The following ABCB1 variants were observed in gnomAD, a reference collection of about 807,000 sequenced individuals.
ABCB1 encodes the protein ATP-dependent translocase ABCB1.
ABCB1 carries 69 observed loss-of-function variants against 142.0 expected under a neutral mutation model. The observed-to-expected ratio is 0.49, with a 90% confidence interval of 0.40 to 0.59. The LOEUF (loss-of-function observed/expected upper bound fraction) is 0.59. Ranked by LOEUF, ABCB1 falls within the 20% of genes least tolerant of loss-of-function variation. The pLI is 0.00. For missense variants in ABCB1, 1,326 were observed against 1,554.7 expected, an observed-to-expected ratio of 0.85 and a Z score of 2.47; for synonymous variants, 532 against 539.2, an observed-to-expected ratio of 0.99 and a Z score of 0.18.
At chr7:87,637,747 T>A (rs570241310) in intron 1 of ABCB1, among the ~76,000 whole-genome samples, 1 of 152,240 alleles carries the variant, frequency 6.6e-6, no homozygotes, top group Admixed American at 6.5e-5. Context: ...TTTGACCTTT[T>A]AAAATACTGG....
chr7:87,702,142 C>CAAA (rs146127516), intron 1 of ABCB1, among the ~76,000 whole-genome samples: 454 of 16,736 alleles, frequency 0.027, 115 homozygotes, highest in Middle Eastern at 0.15. Flanking sequence ...GACTCTGTCT[C>CAAA]AAAAAAAAAA....
At chr7:87,585,825 G>T in intron 3 of ABCB1, 145 bp from the exon 4 acceptor site, 1 of 777,104 alleles carries the variant, frequency 1.3e-6, no homozygotes, top group Non-Finnish European at 2.1e-6. Context: ...CTCTACCTTT[G>T]CTAAATTATT....
chr7:87,519,299 T>G, intron 23 of ABCB1, 27 bp downstream of exon 23: 1 of 1,609,006 alleles, frequency 6.2e-7, no homozygotes, highest in Non-Finnish European at 8.5e-7. Flanking sequence ...TTTTTAGAGC[T>G]TAACTAAATA....
chr7:87,596,747 G>GA (rs1330605741), intron 2 of ABCB1, among the ~76,000 whole-genome samples: 1 of 151,900 alleles, frequency 6.6e-6, no homozygotes, highest in South Asian at 2.1e-4. Context: ...GACTTCTAAA[G>GA]AAAAAAATCC....
At chr7:87,521,573 G>A (rs766641657) in intron 21 of ABCB1, 8 of 756,220 alleles carry the variant, frequency 1.1e-5, no homozygotes, top group African/African-American at 6.8e-5. Flanking sequence ...TTTGAGCAAT[G>A]GGGAATGCTC....
chr7:87,510,686 GA>G, intron 25 of ABCB1, among the ~76,000 whole-genome samples: 1 of 152,146 alleles, frequency 6.6e-6, no homozygotes, highest in Admixed American at 6.5e-5. Flanking sequence ...CCTAGCAGTA[GA>G]GTACAATCTT....
intron 1 of ABCB1, among the ~76,000 whole-genome samples, chr7:87,687,805 G>A (rs1192509153): frequency 6.6e-6 from 1 of 152,080 alleles, no homozygotes; most frequent in Admixed American, 6.5e-5. Context: ...GAACCTCAAA[G>A]CTCTTCCTGA....
At chr7:87,628,536 C>A in intron 1 of ABCB1, 1 of 290,960 alleles carries the variant, frequency 3.4e-6, no homozygotes, top group Non-Finnish European at 6.3e-6. Context: ...CCCGCAGGCG[C>A]AGCCCGGCAG....
At chr7:87,652,550 C>T (rs1481608224) in intron 1 of ABCB1, among the ~76,000 whole-genome samples, 9 of 149,526 alleles carry the variant, frequency 6.0e-5, no homozygotes, top group African/African-American at 1.2e-4. Context: ...TGATACAGTA[C>T]GAATTGTGTT....
chr7:87,544,249 A>G lies in ABCB1; in HGVS notation c.2091T>C (p.Phe697=). The change falls in exon 17 of 28, where the codon TTT becomes TTC. Residue 697 remains phenylalanine (F), a synonymous_variant. Coordinates refer to ENST00000622132, the MANE Select transcript of ABCB1 (RefSeq NM_001348946.2). ...TTAAATTTAGCTTCATAATCCTCCA[A>G]AAGGAAACTGGAGGTATACTTTCAT... ...ALDESIPPVS[F]WRIMKLNLTE... is the part of the protein sequence containing the mutation. 1.2e-6 allele frequency: 2 copies of G among 1,613,392 alleles called. No individual in the cohort carries two copies. The highest frequency in any genetic ancestry group is 1.1e-5 in the South Asian group (1 of 91,038).
At chr7:87,515,480 AGT>A in intron 24 of ABCB1, 52 bp from the exon 25 acceptor site, 1 of 1,539,794 alleles carries the variant, frequency 6.5e-7, no homozygotes, top group African/African-American at 1.4e-5. Flanking sequence ...CTGAAAATAA[AGT>A]GTATAGCTAA....
intron 1 of ABCB1, among the ~76,000 whole-genome samples, chr7:87,699,088 A>G (rs1392298605): frequency 2.6e-5 from 4 of 152,194 alleles, no homozygotes; most frequent in South Asian, 4.1e-4. Flanking sequence ...ATGTTCTGCC[A>G]TGGTTTGGAA....
intron 4 of ABCB1, among the ~76,000 whole-genome samples, chr7:87,578,632 G>A (rs1245100775): frequency 6.6e-6 from 1 of 151,196 alleles, no homozygotes; most frequent in Non-Finnish European, 1.5e-5. Context: ...CTCATTTATT[G>A]AGTAAAAGTT....
intron 1 of ABCB1, among the ~76,000 whole-genome samples, chr7:87,678,870 A>G (rs1826636132): frequency 6.6e-6 from 1 of 152,176 alleles, no homozygotes; most frequent in South Asian, 2.1e-4. Flanking sequence ...TAATTTGCCA[A>G]GAAGACAGAA....
chr7:87,564,075 T>C (rs2129795549), intron 7 of ABCB1: 1 of 429,498 alleles, frequency 2.3e-6, no homozygotes, highest in Middle Eastern at 6.5e-4. Flanking sequence ...CTAGGCTTAA[T>C]ACTTGGGTAA....
chr7:87,710,542 A>G, intron 1 of ABCB1: 1 of 1,358,114 alleles, frequency 7.4e-7, no homozygotes, highest in Admixed American at 2.2e-5. Context: ...AATTTTTTTT[A>G]TATTTGATTC....
Position 87,536,501 on chromosome 7 carries a change from G to C in ABCB1, c.2438C>G (p.Ala813Gly), listed in dbSNP as rs201744003. 5.3e-5 allele frequency: 85 copies of C among 1,613,980 alleles called. No individual in the cohort carries two copies. The highest frequency in any genetic ancestry group is 4.9e-4 in the Middle Eastern group (3 of 6,062). Residue 813 changes from alanine (A) to glycine (G), a missense_variant, in exon 20 of 28, where the codon GCA (alanine) becomes GGA (glycine). By Grantham distance (60) the Ala-to-Gly change is moderately conservative (BLOSUM62 0). Coordinates refer to ENST00000622132, the MANE Select transcript of ABCB1 (RefSeq NM_001348946.2). ...ATCATTGGCGAGCCTGGTAGTCAAT[G>C]CTCCAGTGGTGTTTTTAGGGTCATC... is the stretch of plus-strand genomic sequence containing the variant. Reference protein sequence around the residue: ...WFDDPKNTTGALTTRLANDAA... With the variant: ...WFDDPKNTTGGLTTRLANDAA...
chr7:87,515,119 G>T, intron 25 of ABCB1, 112 bp downstream of exon 25: 1 of 1,342,192 alleles, frequency 7.5e-7, no homozygotes, highest in Non-Finnish European at 1.0e-6. Flanking sequence ...TTATCCAAGT[G>T]GGACTGTTGT....
At chr7:87,517,206 T>C (rs1258279596) in intron 23 of ABCB1, among the ~76,000 whole-genome samples, 1 of 152,198 alleles carries the variant, frequency 6.6e-6, no homozygotes, top group African/African-American at 2.4e-5. Context: ...CTCATCTTCT[T>C]GCACTGTGAC....
Sources: allele counts gnomAD v4.1 joint callset (sites outside exome capture counted in the v4.1 genomes callset), GRCh38; gene constraint gnomAD v4.1.1; transcripts MANE v1.5; gene names NCBI Gene and HGNC (gene_info 2026-07-23, HGNC 2026-07-21).